NAAA: variants seen among roughly 807,000 people sequenced by gnomAD.
NAAA encodes the protein N-acylethanolamine acid amidase, also known as N-acylethanolamine-hydrolyzing acid amidase.
NAAA carries 39 observed loss-of-function variants against 44.8 expected under a neutral mutation model. The ratio of observed to expected loss-of-function variants is 0.87; its 90% CI spans 0.67 to 1.14. The LOEUF (loss-of-function observed/expected upper bound fraction) is 1.14. Among genes scored for constraint, NAAA ranks in the 50% most tolerant of loss-of-function variants. The pLI is 0.00. For synonymous variants in NAAA, 178 were observed against 191.3 expected (o/e 0.93, Z 0.58); for missense variants, 460 against 467.8 (o/e 0.98, Z 0.15).
At position 75,914,077 on chromosome 4, in the gene NAAA, C is replaced by T; in HGVS notation, c.*298G>A. 1.0e-6 allele frequency: 1 copy of T among 985,424 alleles called. No individual in the cohort carries two copies. 61.0% of individuals were successfully genotyped at this position (985,424 alleles called of 1,614,324 possible). A position where few individuals can be genotyped will look rare whatever the true frequency, so the allele number is the denominator to read the frequency against. On this transcript the variant is annotated 3_prime_UTR_variant, in exon 11 of 11. Transcript: ENST00000286733. ...ATAAGGCCTGAGGATATGGCTTGAT[C>T]TCTGAGACCAATTATCTTTGAGTTA...
intron 5 of NAAA, among the ~76,000 whole-genome samples, chr4:75,921,479 C>T (rs551335754): frequency 6.6e-6 from 1 of 152,316 alleles, no homozygotes; most frequent in African/African-American, 2.4e-5. Flanking sequence ...AATATCTACA[C>T]TGTGCCAGGC....
At chr4:75,928,510 G>A (rs1726938273) in intron 4 of NAAA, among the ~76,000 whole-genome samples, 1 of 152,154 alleles carries the variant, frequency 6.6e-6, no homozygotes, top group South Asian at 2.1e-4. Flanking sequence ...GAAACGAGGA[G>A]AGGGACAGAT....
downstream of NAAA, among the ~76,000 whole-genome samples, chr4:75,912,709 G>A (rs1161591836): frequency 2.0e-5 from 3 of 152,098 alleles, no homozygotes; most frequent in African/African-American, 7.2e-5. Context: ...TGGAGGCAGA[G>A]TTTGCAGTGG....
chr4:75,934,348 A>G (rs977889054), intron 3 of NAAA, among the ~76,000 whole-genome samples: 2 of 151,682 alleles, frequency 1.3e-5, no homozygotes, highest in African/African-American at 2.4e-5. Flanking sequence ...ATGGAGTCTC[A>G]CTCTGTCACT....
chr4:75,917,776 TAAAAAA>T, intron 9 of NAAA: 2 of 371,930 alleles, frequency 5.4e-6, no homozygotes, highest in Non-Finnish European at 1.0e-5. Context: ...TGCTTTCACT[TAAAAAA>T]AAAAAAAAAA....
At chr4:75,930,387 ACTAG>A in intron 4 of NAAA, 1 of 487,658 alleles carries the variant, frequency 2.1e-6, no homozygotes, top group Non-Finnish European at 4.1e-6. Flanking sequence ...CTCTCCCACT[ACTAG>A]CTGTCATTTC....
At chr4:75,925,682 A>T in intron 5 of NAAA, 53 bp downstream of exon 5, 1 of 1,523,918 alleles carries the variant, frequency 6.6e-7, no homozygotes. Flanking sequence ...GACACAGAAC[A>T]GTTTAGAAGG....
chr4:75,931,875 G>A (rs546985177), intron 3 of NAAA, among the ~76,000 whole-genome samples: 1 of 152,202 alleles, frequency 6.6e-6, no homozygotes, highest in South Asian at 2.1e-4. Flanking sequence ...TTCACCAAAG[G>A]GGTGCACAAA....
At chr4:75,925,192 C>T (rs1726554548) in intron 5 of NAAA, among the ~76,000 whole-genome samples, 1 of 152,164 alleles carries the variant, frequency 6.6e-6, no homozygotes, top group South Asian at 2.1e-4. Context: ...CATGCCACCA[C>T]ACCCAGCTAA....
At chr4:75,939,446 C>T (rs1728028299) in intron 2 of NAAA, among the ~76,000 whole-genome samples, 2 of 145,272 alleles carry the variant, frequency 1.4e-5, no homozygotes, top group African/African-American at 2.5e-5. Context: ...GACAGAGTCT[C>T]GCACTGTCGC....
intron 1 of NAAA, 98 bp from the exon 2 acceptor site, chr4:75,940,263 G>T: frequency 7.4e-7 from 1 of 1,343,534 alleles, no homozygotes. Flanking sequence ...TAGGGCGTGA[G>T]GTCTCAGGGC....
rs1352719167 is a variant in NAAA, at chr4:75,931,778, A to AACATTAAAT, written c.499-475_499-474insATTTAATGT. Among the ~76,000 whole-genome samples, 4 of 152,236 alleles carry AACATTAAAT rather than the reference A, an allele frequency of 2.6e-5. No homozygotes were observed. In the East Asian group the frequency reaches 7.7e-4, roughly 29 times the overall value. On this transcript the variant is annotated intron_variant, in intron 3 of 10. Coordinates refer to ENST00000286733, the MANE Select transcript of NAAA (RefSeq NM_014435.4). ...CCTTACTATTTAATGTGTTAAGAAA[A>AACATTAAAT]AGTATAACATTGAAATGGCTGTTTT... is the stretch of plus-strand genomic sequence containing the variant.
rs72651382 is a variant in NAAA at position 75,931,174 on chromosome 4, A to G, written c.589+40T>C. The G allele has an allele frequency of 3.0e-3, 4,659 of 1,528,540 alleles. 11 individuals are homozygous for G. The highest frequency in any genetic ancestry group is 3.6e-3 in the Non-Finnish European group (3,992 of 1,103,706). 94.7% of individuals were successfully genotyped at this position (1,528,540 alleles called of 1,614,324 possible). On this transcript the variant is annotated intron_variant, in intron 4 of 10. Transcript: ENST00000286733. ...GGAAGTGCTTGGATAGAACTGAACA[A>G]TAATGTAGCTAAAATTACACAGGGG...
rs771166549 is a variant in NAAA, at chr4:75,913,673, T to G, written c.*702A>C. On this transcript the variant is annotated 3_prime_UTR_variant, in exon 11 of 11. Coordinates refer to ENST00000286733, the MANE Select transcript of NAAA (RefSeq NM_014435.4). Reference sequence around the variant, plus strand: ...CATAACGCTAAGTTTCTTGGAAATTTTTTTATTCTCCTTGCCAACATTTCT... The same window carrying G: ...CATAACGCTAAGTTTCTTGGAAATTGTTTTATTCTCCTTGCCAACATTTCT... The G allele has an allele frequency of 3.5e-4, 344 of 981,542 alleles. 1 individual carries two copies. Among genetic ancestry groups the G allele is most frequent in the Non-Finnish European group, 4.0e-4 (327 of 826,540 alleles). The allele number at this position is 981,542 out of a possible 1,614,324, so 60.8% of individuals were successfully genotyped here.
intron 5 of NAAA, among the ~76,000 whole-genome samples, chr4:75,923,829 C>T (rs895682388): frequency 6.6e-5 from 10 of 152,104 alleles, no homozygotes; most frequent in Admixed American, 2.0e-4. Context: ...TGAGCCACCG[C>T]GCCCGGCCCA....
intron 1 of NAAA, among the ~76,000 whole-genome samples, chr4:75,940,454 C>T (rs2149296357): frequency 6.6e-6 from 1 of 152,320 alleles, no homozygotes; most frequent in East Asian, 1.9e-4. Flanking sequence ...AAGGAAGGCG[C>T]GGGTTGCCCC....
intron 8 of NAAA, 135 bp downstream of exon 8, chr4:75,919,774 A>G: frequency 3.4e-6 from 3 of 886,330 alleles, no homozygotes; most frequent in Non-Finnish European, 5.4e-6. Flanking sequence ...CACCACTTTT[A>G]ATACATGATT....
intron 5 of NAAA, among the ~76,000 whole-genome samples, chr4:75,921,606 A>C (rs1726168665): frequency 6.6e-6 from 1 of 152,226 alleles, no homozygotes; most frequent in Admixed American, 6.5e-5. Context: ...GAGAGTTCAC[A>C]TAGGAGAATA....
In NAAA at chr4:75,920,972, G is replaced by A. The variant is rs1560503169; in HGVS notation, c.818C>T (p.Pro273Leu). 3.1e-6 allele frequency: 5 copies of A among 1,613,470 alleles called. No individual in the cohort carries two copies. The highest frequency in any genetic ancestry group is 4.5e-5 in the East Asian group (2 of 44,878). The part of the protein sequence containing the change: ...RNRDGPADIW[P>L]LDPLNGAWFR... ...TTACGCTCCATTCAAAGGATCTAGAGGCCAAATGTCTGCTGGGCCATCTCT... is the reference window on the plus strand; with the variant it reads ...TTACGCTCCATTCAAAGGATCTAGAAGCCAAATGTCTGCTGGGCCATCTCT... Residue 273 changes from proline (P) to leucine (L), a missense_variant, in exon 6 of 11, where the codon CCT becomes CTT. Transcript: ENST00000286733.
Sources: allele counts gnomAD v4.1 joint callset (sites outside exome capture counted in the v4.1 genomes callset), GRCh38; gene constraint gnomAD v4.1.1; transcripts MANE v1.5; gene names NCBI Gene and HGNC (gene_info 2026-07-23, HGNC 2026-07-21).